GALNTL5: variants seen among roughly 807,000 people sequenced by gnomAD.
GALNTL5 encodes the protein inactive polypeptide N-acetylgalactosaminyltransferase-like protein 5.
Under a neutral mutation model 51.0 loss-of-function variants are expected in GALNTL5, and 44 were observed. That is an observed-to-expected ratio of 0.86 (90% CI 0.68 to 1.11). The LOEUF (loss-of-function observed/expected upper bound fraction) is 1.11. GALNTL5 is among the 50% of genes least tolerant of loss of function. The probability of loss-of-function intolerance (pLI) is 0.00; values close to 1 mark genes in which losing one functional copy is unlikely to be tolerated. For missense variants in GALNTL5, 528 were observed against 531.8 expected (o/e 0.99, Z 0.07); for synonymous variants, 192 against 182.8 (o/e 1.05, Z -0.41).
intron 3 of GALNTL5, among the ~76,000 whole-genome samples, chr7:151,971,471 T>C (rs974519928): frequency 3.3e-5 from 5 of 152,226 alleles, no homozygotes; most frequent in African/African-American, 1.2e-4. Context: ...CATTAATAAT[T>C]ATTATGTTAA....
At chr7:151,979,193 T>A (rs1270866524) in intron 3 of GALNTL5, among the ~76,000 whole-genome samples, 1 of 139,666 alleles carries the variant, frequency 7.2e-6, no homozygotes, top group Non-Finnish European at 1.5e-5. Context: ...CACTGCAAGC[T>A]CCACCTCCCG....
Position 152,007,780 on chromosome 7 carries a change from A to G in GALNTL5, c.909-47A>G, listed in dbSNP as rs201076868. The G allele has an allele frequency of 6.6e-6, 7 of 1,062,408 alleles. No individual in the cohort carries two copies. In the East Asian group the frequency reaches 1.4e-4, roughly 22 times the overall value. The allele number at this position is 1,062,408 out of a possible 1,614,324, so 65.8% of individuals were successfully genotyped here. On this transcript the variant is annotated intron_variant, in intron 6 of 8. Coordinates refer to ENST00000392800, the MANE Select transcript of GALNTL5 (RefSeq NM_145292.4). ...AATATAATTTTGAGGAAACTACAGA[A>G]TGACTTTCTCTGTGAAATTAATTTC...
intron 2 of GALNTL5, among the ~76,000 whole-genome samples, chr7:151,968,567 G>A (rs2081088439): frequency 6.6e-6 from 1 of 152,168 alleles, no homozygotes; most frequent in South Asian, 2.1e-4. Flanking sequence ...CCCTAATTCT[G>A]GCTCTCAGTC....
chr7:151,962,968 A>C (rs1000427160), intron 1 of GALNTL5, among the ~76,000 whole-genome samples: 1 of 149,970 alleles, frequency 6.7e-6, no homozygotes, highest in Admixed American at 6.6e-5. Flanking sequence ...GTAGTTTCCC[A>C]AAAAAAAGAA....
chr7:152,015,404 G>C (rs958864650), intron 8 of GALNTL5, among the ~76,000 whole-genome samples: 5 of 148,146 alleles, frequency 3.4e-5, no homozygotes, highest in African/African-American at 1.3e-4. Context: ...CTGTCGCCCA[G>C]GCTGGAGTGC....
intron 6 of GALNTL5, among the ~76,000 whole-genome samples, chr7:152,003,186 C>G (rs2081604589): frequency 1.3e-5 from 2 of 152,176 alleles, no homozygotes; most frequent in African/African-American, 2.4e-5. Flanking sequence ...ATCTATAACT[C>G]TTTGATTCTC....
chr7:151,967,506 A>AT lies in GALNTL5; in HGVS notation c.247+20dup, dbSNP rs770051508. 7.3e-5 allele frequency: 117 copies of AT among 1,605,834 alleles called. 1 individual carries two copies. The Admixed American group carries it at 1.7e-3, about 23-fold the overall frequency. ...AAGTCTATGTTAGGTAAGTATTTGGATTTTTTTCCGTTAGCCATTTGAAGG... is the reference window on the plus strand; with the variant it reads ...AAGTCTATGTTAGGTAAGTATTTGGATTTTTTTTCCGTTAGCCATTTGAAGG... On this transcript the variant is annotated intron_variant, in intron 2 of 8. Coordinates refer to ENST00000392800, the MANE Select transcript of GALNTL5 (RefSeq NM_145292.4).
chr7:151,983,008 G>T lies in GALNTL5; in HGVS notation c.391G>T (p.Ala131Ser). 1 of 1,614,126 alleles carries T rather than the reference G, an allele frequency of 6.2e-7. No homozygotes were observed. Among genetic ancestry groups the T allele is most frequent in the Non-Finnish European group, 8.5e-7 (1 of 1,180,016 alleles). Reference sequence around the variant, plus strand: ...CAGGTGTCTTCAAAAACATTACCCAGCCCGCCTCCCGACTGCCAGCATTGT... The same window carrying T: ...CAGGTGTCTTCAAAAACATTACCCATCCCGCCTCCCGACTGCCAGCATTGT... ...SKMCLQKHYP[A>S]RLPTASIVIC... Residue 131 changes from alanine to serine, a missense_variant, in exon 4 of 9, where the codon GCC becomes TCC. Ala to Ser is a moderately conservative substitution (Grantham distance 99). Transcript: ENST00000392800.
chr7:152,014,357 T>G (rs972878961), intron 7 of GALNTL5, among the ~76,000 whole-genome samples: 3 of 151,226 alleles, frequency 2.0e-5, no homozygotes, highest in Non-Finnish European at 2.9e-5. Context: ...AACATCCACC[T>G]CCTGAGTTCA....
chr7:151,966,100 A>G (rs142811467), intron 1 of GALNTL5, among the ~76,000 whole-genome samples: 532 of 152,226 alleles, frequency 3.5e-3, no homozygotes, highest in Non-Finnish European at 5.2e-3. Flanking sequence ...CCAAATTTAT[A>G]TCACACCCTA....
intron 2 of GALNTL5, among the ~76,000 whole-genome samples, chr7:151,967,725 G>A (rs2081077633): frequency 1.3e-5 from 2 of 151,986 alleles, no homozygotes; most frequent in African/African-American, 4.8e-5. Flanking sequence ...GCTTCAGAGA[G>A]CTTTCTGTTT....
At chr7:152,014,339 C>T (rs774092388) in intron 7 of GALNTL5, among the ~76,000 whole-genome samples, 2 of 152,214 alleles carry the variant, frequency 1.3e-5, no homozygotes, top group Non-Finnish European at 1.5e-5. Flanking sequence ...GGCACGACCT[C>T]GGCTCACAAC....
chr7:152,002,694 C>T lies in GALNTL5; in HGVS notation c.659-20C>T, dbSNP rs1377623723. ...TTTTCAGCTATGTGGACTAACATTGCCCTGTTCTTGCCTCCCCAGGGGATG... is the reference window on the plus strand; with the variant it reads ...TTTTCAGCTATGTGGACTAACATTGTCCTGTTCTTGCCTCCCCAGGGGATG... On this transcript the variant is annotated intron_variant, in intron 5 of 8. Coordinates refer to ENST00000392800, the MANE Select transcript of GALNTL5 (RefSeq NM_145292.4). 6.2e-7 allele frequency: 1 copy of T among 1,612,850 alleles called. No individual in the cohort carries two copies. The highest frequency in any genetic ancestry group is 1.1e-5 in the South Asian group (1 of 90,986).
intron 4 of GALNTL5, among the ~76,000 whole-genome samples, chr7:151,985,503 TCTGTCCCAG>T (rs1422623690): frequency 6.6e-6 from 1 of 152,144 alleles, no homozygotes; most frequent in Non-Finnish European, 1.5e-5. Flanking sequence ...CAAAACCCTG[TCTGTCCCAG>T]CTGACACCTA....
chr7:151,970,932 CA>C lies in GALNTL5; in HGVS notation c.248-12del, dbSNP rs1165415361. On this transcript the variant is annotated splice_polypyrimidine_tract_variant and intron_variant, in intron 2 of 8. Coordinates refer to ENST00000392800, the MANE Select transcript of GALNTL5 (RefSeq NM_145292.4). ...GCCTTTACTTATATGATTCTAATTA[CA>C]TTTTCTTGCAGGTACAGATTTTAAC... The C allele has an allele frequency of 1.3e-6, 2 of 1,585,032 alleles. No homozygotes were observed. The highest frequency in any genetic ancestry group is 3.5e-5 in the Admixed American group (2 of 57,718).
intron 5 of GALNTL5, among the ~76,000 whole-genome samples, chr7:151,990,592 A>AAAAAAAAG (rs1268626448): frequency 1.4e-5 from 2 of 147,078 alleles, no homozygotes; most frequent in African/African-American, 5.0e-5. Flanking sequence ...AAAAAAAAAA[A>AAAAAAAAG]GCCCACTTTC....
intron 8 of GALNTL5, among the ~76,000 whole-genome samples, chr7:152,017,418 C>A (rs1324268717): frequency 6.6e-6 from 1 of 152,208 alleles, no homozygotes; most frequent in Non-Finnish European, 1.5e-5. Flanking sequence ...GAAACTTCAT[C>A]ACGTGGTACA....
chr7:151,979,198 C>T (rs2081246069), intron 3 of GALNTL5, among the ~76,000 whole-genome samples: 1 of 150,598 alleles, frequency 6.6e-6, no homozygotes, highest in African/African-American at 2.5e-5. Context: ...CAAGCTCCAC[C>T]TCCCGGGTTC....
At chr7:152,003,437 G>T (rs2081607172) in intron 6 of GALNTL5, among the ~76,000 whole-genome samples, 1 of 152,208 alleles carries the variant, frequency 6.6e-6, no homozygotes, top group Admixed American at 6.5e-5. Flanking sequence ...ATGGCCCTCA[G>T]TTGGCACAAT....
Sources: gnomAD v4.1 joint callset for allele counts (sites outside exome capture counted in the v4.1 genomes callset) on GRCh38, gnomAD v4.1.1 for gene constraint, MANE v1.5 for transcripts, NCBI Gene and HGNC (gene_info 2026-07-23, HGNC 2026-07-21) for gene names.